Variants in GPR158 observed in about 807,000 individuals in gnomAD.
GPR158 encodes the protein metabotropic glycine receptor.
Under a neutral mutation model 78.2 loss-of-function variants are expected in GPR158, and 30 were observed. The ratio of observed to expected loss-of-function variants is 0.38; its 90% CI spans 0.29 to 0.52. The LOEUF is 0.52. Among genes scored for constraint, GPR158 ranks in the 20% least tolerant of loss-of-function variants. The probability of loss-of-function intolerance (pLI) is 0.83; values close to 1 mark genes in which losing one functional copy is unlikely to be tolerated. For synonymous variants in GPR158, 581 were observed against 591.1 expected, an observed-to-expected ratio of 0.98 and a Z score of 0.25; for missense variants, 1,463 against 1,523.5, an observed-to-expected ratio of 0.96 and a Z score of 0.66.
intron 6 of GPR158, among the ~76,000 whole-genome samples, chr10:25,552,892 T>C (rs1284916993): frequency 6.6e-6 from 1 of 152,166 alleles, no homozygotes; most frequent in African/African-American, 2.4e-5. Flanking sequence ...TCCATGCAGG[T>C]TCTCCTTCAA....
chr10:25,352,479 A>T (rs1333646549), intron 2 of GPR158, among the ~76,000 whole-genome samples: 1 of 152,056 alleles, frequency 6.6e-6, no homozygotes, highest in Non-Finnish European at 1.5e-5. Flanking sequence ...TAAGGTTTTC[A>T]CATGCTTATA....
At chr10:25,241,416 CTTTTCTTTTCTTT>C (rs1853627507) in intron 2 of GPR158, among the ~76,000 whole-genome samples, 1 of 138,140 alleles carries the variant, frequency 7.2e-6, no homozygotes, top group African/African-American at 2.9e-5. Context: ...CTTCTCTTTT[CTTTTCTTTTCTTT>C]TCTTTTCTTT....
intron 2 of GPR158, among the ~76,000 whole-genome samples, chr10:25,369,776 C>T (rs367557345): frequency 3.3e-5 from 5 of 149,634 alleles, no homozygotes; most frequent in East Asian, 2.0e-4. Context: ...TGGTAGAATT[C>T]GGCTGTGAAT....
intron 5 of GPR158, among the ~76,000 whole-genome samples, chr10:25,538,215 G>A (rs570201020): frequency 1.2e-4 from 9 of 72,660 alleles, no homozygotes; most frequent in South Asian, 4.5e-4. Context: ...CAGATTTGCC[G>A]TTGTTGTTGT....
intron 4 of GPR158, among the ~76,000 whole-genome samples, chr10:25,426,079 A>G (rs1412782021): frequency 6.6e-6 from 1 of 152,136 alleles, no homozygotes; most frequent in East Asian, 1.9e-4. Flanking sequence ...TAGTTGTATG[A>G]CGCTAAGGTT....
At chr10:25,237,130 T>A (rs1853536628) in intron 2 of GPR158, among the ~76,000 whole-genome samples, 1 of 152,178 alleles carries the variant, frequency 6.6e-6, no homozygotes, top group Non-Finnish European at 1.5e-5. Flanking sequence ...AAGGCTGTTT[T>A]GGTGGTTTAA....
At chr10:25,548,714 T>C (rs1836694937) in intron 5 of GPR158, among the ~76,000 whole-genome samples, 1 of 152,218 alleles carries the variant, frequency 6.6e-6, no homozygotes, top group Non-Finnish European at 1.5e-5. Context: ...CTGAGGCACA[T>C]GCAGACTAAG....
chr10:25,487,009 G>T (rs1835744434), intron 5 of GPR158, among the ~76,000 whole-genome samples: 1 of 152,066 alleles, frequency 6.6e-6, no homozygotes, highest in Non-Finnish European at 1.5e-5. Context: ...TTCATGTTAG[G>T]CTAGTCCCTC....
intron 4 of GPR158, among the ~76,000 whole-genome samples, chr10:25,426,518 T>C (rs1834822697): frequency 1.3e-5 from 2 of 152,050 alleles, no homozygotes; most frequent in Non-Finnish European, 2.9e-5. Context: ...GTATGGTTAT[T>C]AATTGACCTA....
intron 2 of GPR158, among the ~76,000 whole-genome samples, chr10:25,233,208 T>C (rs1853476477): frequency 6.6e-6 from 1 of 152,190 alleles, no homozygotes; most frequent in South Asian, 2.1e-4. Context: ...TCCACTTTAT[T>C]TTTATAGCTC....
chr10:25,366,409 A>G (rs1180323124), intron 2 of GPR158, among the ~76,000 whole-genome samples: 3 of 151,722 alleles, frequency 2.0e-5, no homozygotes, highest in East Asian at 3.9e-4. Flanking sequence ...CATTTTGATG[A>G]CTGAGCACTG....
intron 5 of GPR158, among the ~76,000 whole-genome samples, chr10:25,469,456 C>T (rs1835464709): frequency 6.6e-6 from 1 of 152,050 alleles, no homozygotes; most frequent in South Asian, 2.1e-4. Flanking sequence ...ATTATTGATA[C>T]CACTCTTTCT....
intron 2 of GPR158, among the ~76,000 whole-genome samples, chr10:25,253,981 A>G (rs1264122834): frequency 6.6e-6 from 1 of 152,246 alleles, no homozygotes; most frequent in Non-Finnish European, 1.5e-5. Flanking sequence ...TAACATAATT[A>G]GCATTGTTTA....
intron 2 of GPR158, among the ~76,000 whole-genome samples, chr10:25,375,941 G>T (rs1475485628): frequency 6.6e-6 from 1 of 151,452 alleles, no homozygotes; most frequent in East Asian, 1.9e-4. Context: ...GATTTGATAG[G>T]AATTGCACTA....
chr10:25,348,394 A>AACACACAC (rs1428933193), intron 2 of GPR158, among the ~76,000 whole-genome samples: 34 of 101,452 alleles, frequency 3.4e-4, no homozygotes, highest in African/African-American at 1.8e-3. Context: ...TTTAGGAAGA[A>AACACACAC]AGACACACAC....
At chr10:25,272,562 GA>G (rs1256033857) in intron 2 of GPR158, among the ~76,000 whole-genome samples, 1 of 152,122 alleles carries the variant, frequency 6.6e-6, no homozygotes, top group African/African-American at 2.4e-5. Flanking sequence ...GAAAGACAGA[GA>G]AATGTCAGCT....
chr10:25,424,799 C>G (rs1254573373), intron 4 of GPR158, among the ~76,000 whole-genome samples: 2 of 152,020 alleles, frequency 1.3e-5, no homozygotes, highest in Non-Finnish European at 2.9e-5. Context: ...TTGTAGAATA[C>G]TTTGATGTCA....
intron 8 of GPR158, among the ~76,000 whole-genome samples, chr10:25,590,711 TAAG>T (rs1455657890): frequency 2.0e-5 from 3 of 152,200 alleles, no homozygotes; most frequent in Admixed American, 1.3e-4. Context: ...TGTAAACCAG[TAAG>T]AAGGCTTCTC....
intron 2 of GPR158, among the ~76,000 whole-genome samples, chr10:25,343,470 AG>A (rs1435888747): frequency 6.6e-6 from 1 of 152,020 alleles, no homozygotes; most frequent in African/African-American, 2.4e-5. Flanking sequence ...AGAGATAATA[AG>A]TTACTAATTT....
Sources: gnomAD v4.1 joint callset for allele counts (sites outside exome capture counted in the v4.1 genomes callset) on GRCh38, gnomAD v4.1.1 for gene constraint, MANE v1.5 for transcripts, NCBI Gene and HGNC (gene_info 2026-07-23, HGNC 2026-07-21) for gene names.